Variants in WDR70 observed in about 807,000 individuals in gnomAD.
WDR70 encodes WD repeat domain 70.
In WDR70, 53 loss-of-function variants were observed where a neutral mutation model predicts 88.6. That is an observed-to-expected ratio of 0.60 (90% CI 0.48 to 0.75). The LOEUF (loss-of-function observed/expected upper bound fraction) is 0.75, where lower values mean the gene tolerates loss of function less well. Among genes scored for constraint, WDR70 ranks in the 30% least tolerant of loss-of-function variants. The pLI, the probability that WDR70 is intolerant of heterozygous loss-of-function variation, is 0.00. For missense variants in WDR70, 610 were observed against 823.2 expected (o/e 0.74, Z 3.17); for synonymous variants, 280 against 270.0 (o/e 1.04, Z -0.36).
chr5:37,658,705 G>C (rs1256922057), intron 10 of WDR70, among the ~76,000 whole-genome samples: 1 of 152,072 alleles, frequency 6.6e-6, no homozygotes, highest in Non-Finnish European at 1.5e-5. Context: ...CTTCAGAAGT[G>C]CTAGGTGCTC....
At chr5:37,599,589 T>C (rs1335369202) in intron 9 of WDR70, among the ~76,000 whole-genome samples, 1 of 152,166 alleles carries the variant, frequency 6.6e-6, no homozygotes, top group Non-Finnish European at 1.5e-5. Context: ...TGGTTATCCA[T>C]ATGTAAAAAG....
At chr5:37,455,279 C>G (rs1308517462) in intron 7 of WDR70, among the ~76,000 whole-genome samples, 1 of 136,844 alleles carries the variant, frequency 7.3e-6, no homozygotes, top group Non-Finnish European at 1.5e-5. Flanking sequence ...GAGTCTAGCT[C>G]TGTTGCCCAG....
chr5:37,548,524 T>C, intron 9 of WDR70, among the ~76,000 whole-genome samples: 1 of 152,180 alleles, frequency 6.6e-6, no homozygotes, highest in Non-Finnish European at 1.5e-5. Flanking sequence ...TTCAGCTCCT[T>C]ATATATTTTT....
chr5:37,726,269 G>T (rs1451142536), intron 16 of WDR70, among the ~76,000 whole-genome samples: 4 of 152,024 alleles, frequency 2.6e-5, no homozygotes, highest in Non-Finnish European at 4.4e-5. Flanking sequence ...ATCTTTTAGT[G>T]TTATTTGGCT....
chr5:37,406,929 G>A (rs1749370989), intron 5 of WDR70, among the ~76,000 whole-genome samples: 2 of 152,146 alleles, frequency 1.3e-5, no homozygotes, highest in Non-Finnish European at 2.9e-5. Context: ...TAAGGAAGAG[G>A]TGGGAATATT....
At chr5:37,741,385 A>G (rs1256151750) in intron 17 of WDR70, among the ~76,000 whole-genome samples, 3 of 152,048 alleles carry the variant, frequency 2.0e-5, no homozygotes, top group African/African-American at 2.4e-5. Flanking sequence ...AGAACTCTTC[A>G]TCTTGCCAAG....
At chr5:37,534,513 T>G (rs1266216520) in intron 9 of WDR70, among the ~76,000 whole-genome samples, 7 of 151,598 alleles carry the variant, frequency 4.6e-5, no homozygotes, top group Non-Finnish European at 1.0e-4. Context: ...TTTTTTTTTT[T>G]TGTGACAAAA....
intron 10 of WDR70, among the ~76,000 whole-genome samples, chr5:37,638,740 A>G (rs922711942): frequency 6.6e-6 from 1 of 152,202 alleles, no homozygotes; most frequent in Non-Finnish European, 1.5e-5. Flanking sequence ...GTTAATTGGT[A>G]TATTACTGAA....
intron 5 of WDR70, among the ~76,000 whole-genome samples, chr5:37,437,027 G>A (rs1229268203): frequency 6.6e-6 from 1 of 152,048 alleles, no homozygotes; most frequent in Non-Finnish European, 1.5e-5. Context: ...TCTGATTTAT[G>A]CATTCCTCTT....
At chr5:37,479,748 AT>A (rs1031743522) in intron 7 of WDR70, 85 bp from the exon 8 acceptor site, 102 of 1,379,852 alleles carry the variant, frequency 7.4e-5, no homozygotes, top group Middle Eastern at 3.7e-4. Flanking sequence ...TTTGTGTAAC[AT>A]TTTTTTTTCT....
intron 8 of WDR70, among the ~76,000 whole-genome samples, chr5:37,502,615 A>C (rs1740439101): frequency 6.6e-6 from 1 of 152,004 alleles, no homozygotes; most frequent in Non-Finnish European, 1.5e-5. Context: ...ATATTAGGCC[A>C]CTCTTGCATT....
At chr5:37,384,597 T>C (rs1009714220) in intron 3 of WDR70, among the ~76,000 whole-genome samples, 1 of 144,470 alleles carries the variant, frequency 6.9e-6, no homozygotes, top group Non-Finnish European at 1.5e-5. Flanking sequence ...GAGGCAGAGC[T>C]TGCAGTGAGC....
intron 4 of WDR70, among the ~76,000 whole-genome samples, chr5:37,395,057 T>C (rs1261278106): frequency 6.6e-6 from 1 of 152,174 alleles, no homozygotes; most frequent in Admixed American, 6.6e-5. Flanking sequence ...AAAACAGAAA[T>C]TCGTGCTTTC....
chr5:37,592,953 C>T (rs1743579586), intron 9 of WDR70, among the ~76,000 whole-genome samples: 1 of 152,178 alleles, frequency 6.6e-6, no homozygotes, highest in East Asian at 1.9e-4. Flanking sequence ...CAAAGAGTTC[C>T]AGACCAGTCT....
chr5:37,741,327 T>C (rs1581541051), intron 17 of WDR70, among the ~76,000 whole-genome samples: 1 of 151,960 alleles, frequency 6.6e-6, no homozygotes, highest in East Asian at 1.9e-4. Flanking sequence ...TTTATAAGTA[T>C]ATAGTTCATT....
intron 9 of WDR70, among the ~76,000 whole-genome samples, chr5:37,541,559 A>G (rs1196978960): frequency 1.3e-5 from 2 of 152,228 alleles, no homozygotes; most frequent in African/African-American, 2.4e-5. Context: ...AGGAGGAAAA[A>G]GCAGAAAAAT....
At chr5:37,624,375 T>C (rs1744607156) in intron 10 of WDR70, among the ~76,000 whole-genome samples, 1 of 152,228 alleles carries the variant, frequency 6.6e-6, no homozygotes, top group Admixed American at 6.5e-5. Flanking sequence ...CAGGATTTCA[T>C]TCTCTTTTAT....
intron 5 of WDR70, among the ~76,000 whole-genome samples, chr5:37,401,740 G>A (rs1479907849): frequency 6.6e-6 from 1 of 152,144 alleles, no homozygotes; most frequent in Non-Finnish European, 1.5e-5. Flanking sequence ...TTACAGACGT[G>A]AGTCATTGTG....
chr5:37,414,916 A>G (rs1224837127), intron 5 of WDR70, among the ~76,000 whole-genome samples: 1 of 139,176 alleles, frequency 7.2e-6, no homozygotes, highest in Non-Finnish European at 1.5e-5. Flanking sequence ...TTTCCTAGGC[A>G]GAGGACCCTG....
Sources: allele counts gnomAD v4.1 joint callset (sites outside exome capture counted in the v4.1 genomes callset), GRCh38; gene constraint gnomAD v4.1.1; transcripts MANE v1.5; gene names NCBI Gene and HGNC (gene_info 2026-07-23, HGNC 2026-07-21).